The following RNPC3 variants were observed in gnomAD, a reference collection of about 807,000 sequenced individuals.
RNPC3 encodes RNA-binding region-containing protein 3.
A neutral mutation model predicts 67.5 loss-of-function variants in RNPC3; 48 were observed. The ratio of observed to expected loss-of-function variants is 0.71; its 90% CI spans 0.56 to 0.90. RNPC3 has a LOEUF of 0.90. Among genes scored for constraint, RNPC3 ranks in the 40% least tolerant of loss-of-function variants. The probability of loss-of-function intolerance (pLI) is 0.00; values close to 1 mark genes in which losing one functional copy is unlikely to be tolerated. For missense variants in RNPC3, 637 were observed against 626.1 expected, an observed-to-expected ratio of 1.02 and a Z score of -0.19; for synonymous variants, 239 against 210.3, an observed-to-expected ratio of 1.14 and a Z score of -1.18.
intron 2 of RNPC3, among the ~76,000 whole-genome samples, chr1:103,530,340 G>C (rs1382847603): frequency 2.0e-5 from 3 of 152,170 alleles, no homozygotes; most frequent in Non-Finnish European, 4.4e-5. Flanking sequence ...GAGAGGTCAG[G>C]CTGTAGTTAG....
intron 12 of RNPC3, among the ~76,000 whole-genome samples, chr1:103,548,581 C>T (rs1651305148): frequency 6.6e-6 from 1 of 152,196 alleles, no homozygotes; most frequent in Non-Finnish European, 1.5e-5. Context: ...TTGTCCATAT[C>T]ATTATCAGCA....
chr1:103,551,647 A>G, intron 13 of RNPC3, 74 bp from the exon 14 acceptor site: 2 of 981,322 alleles, frequency 2.0e-6, no homozygotes, highest in Non-Finnish European at 3.0e-6. Context: ...ACCATACACT[A>G]GAAAGTTTTT....
chr1:103,550,924 C>CTGTTTCT lies in RNPC3; in HGVS notation c.1362-15_1362-9dup. On this transcript the variant is annotated splice_polypyrimidine_tract_variant and intron_variant, in intron 12 of 14. Transcript: ENST00000423855. ...GAAACTGACATTCTTTGAATCAAAA[C>CTGTTTCT]TGTTTCTTCCTTCTAGGTTTGATAT... 1 of 1,607,410 alleles carries CTGTTTCT rather than the reference C, an allele frequency of 6.2e-7. No individual in the cohort carries two copies. Among genetic ancestry groups the CTGTTTCT allele is most frequent in the East Asian group, 2.2e-5 (1 of 44,702 alleles).
At chr1:103,537,937 A>G (rs1198594719) in intron 7 of RNPC3, among the ~76,000 whole-genome samples, 3 of 152,088 alleles carry the variant, frequency 2.0e-5, no homozygotes, top group Non-Finnish European at 4.4e-5. Context: ...TCTGCCTCCC[A>G]GGTTCAAGCG....
Position 103,534,850 on chromosome 1 carries a change from AACC to A in RNPC3, c.438_440del (p.His147del). Reference sequence around the variant, plus strand: ...AACAGTAGAAAATGGAATTGCACCAAACCATGGGTTAGCATTTTTGTTTGCTTT... The same window carrying A: ...AACAGTAGAAAATGGAATTGCACCAAATGGGTTAGCATTTTTGTTTGCTTT... On this transcript the variant is annotated inframe_deletion, in exon 4 of 15. Coordinates refer to ENST00000423855, the MANE Select transcript of RNPC3 (RefSeq NM_017619.4). 6.6e-7 allele frequency: 1 copy of A among 1,526,260 alleles called. No individual in the cohort carries two copies. The highest frequency in any genetic ancestry group is 1.2e-5 in the South Asian group (1 of 82,824). 94.5% of individuals were successfully genotyped at this position (1,526,260 alleles called of 1,614,324 possible). A position where few individuals can be genotyped will look rare whatever the true frequency, so the allele number is the denominator to read the frequency against.
At chr1:103,539,199 G>A (rs530990827) in intron 7 of RNPC3, among the ~76,000 whole-genome samples, 3 of 152,240 alleles carry the variant, frequency 2.0e-5, no homozygotes, top group Admixed American at 6.5e-5. Flanking sequence ...GACTGTGCAC[G>A]GAAGAAGTGG....
chr1:103,552,341 A>C (rs1557762436), intron 14 of RNPC3: 1 of 152,180 alleles, frequency 6.6e-6, no homozygotes, highest in Non-Finnish European at 1.5e-5. Context: ...ATGATGAGGC[A>C]TCTTATCCAG....
At chr1:103,540,570 C>T (rs1312286797) in intron 7 of RNPC3, among the ~76,000 whole-genome samples, 1 of 152,072 alleles carries the variant, frequency 6.6e-6, no homozygotes, top group African/African-American at 2.4e-5. Flanking sequence ...GTTTAAATTA[C>T]AGCATATGTT....
intron 14 of RNPC3, chr1:103,554,682 A>C (rs1651489861): frequency 6.6e-6 from 1 of 152,582 alleles, no homozygotes; most frequent in South Asian, 2.1e-4. Flanking sequence ...TAGCCATCCA[A>C]CCTTATATTA....
Position 103,526,034 on chromosome 1 carries a change from T to G in RNPC3, c.-37T>G. Reference sequence around the variant, plus strand: ...TGATGCCGCGATTTTGACTGAGACTTCTTCCCACGATTTCTGTTTTTGCTT... The same window carrying G: ...TGATGCCGCGATTTTGACTGAGACTGCTTCCCACGATTTCTGTTTTTGCTT... On this transcript the variant is annotated 5_prime_UTR_variant, in exon 1 of 15. Coordinates refer to ENST00000423855, the MANE Select transcript of RNPC3 (RefSeq NM_017619.4). 1 of 1,475,172 alleles carries G rather than the reference T, an allele frequency of 6.8e-7. No individual in the cohort carries two copies. Among genetic ancestry groups the G allele is most frequent in the East Asian group, 2.6e-5 (1 of 38,236 alleles). The allele number at this position is 1,475,172 out of a possible 1,614,324, so 91.4% of individuals were successfully genotyped here. A position where few individuals can be genotyped will look rare whatever the true frequency, so the allele number is the denominator to read the frequency against.
Position 103,534,904 on chromosome 1 carries a change from TACAG to T in RNPC3, c.443+49_443+52del, listed in dbSNP as rs1397637593. The T allele has an allele frequency of 4.9e-6, 5 of 1,023,972 alleles. No individual in the cohort carries two copies. The South Asian group carries it at 7.5e-5, about 15-fold the overall frequency. 63.4% of individuals were successfully genotyped at this position (1,023,972 alleles called of 1,614,324 possible). ...TCTTTTGCTTTTGTTCTGTGTTATA[TACAG>T]ATGTACAGATATCTTACTGCTTTTT... On this transcript the variant is annotated intron_variant, in intron 4 of 14. Coordinates refer to ENST00000423855, the MANE Select transcript of RNPC3 (RefSeq NM_017619.4).
intron 8 of RNPC3, among the ~76,000 whole-genome samples, chr1:103,541,938 A>C (rs969977621): frequency 6.6e-6 from 1 of 152,016 alleles, no homozygotes; most frequent in South Asian, 2.1e-4. Flanking sequence ...TTACTTAAAA[A>C]GTACCCAGCA....
intron 7 of RNPC3, among the ~76,000 whole-genome samples, chr1:103,538,842 A>G (rs1000437625): frequency 3.3e-5 from 5 of 152,224 alleles, no homozygotes; most frequent in African/African-American, 9.6e-5. Context: ...TTGACAATCT[A>G]TGCATTTTAT....
At chr1:103,539,918 A>T (rs1370003845) in intron 7 of RNPC3, among the ~76,000 whole-genome samples, 1 of 152,022 alleles carries the variant, frequency 6.6e-6, no homozygotes, top group Non-Finnish European at 1.5e-5. Context: ...ACTGGAGTGC[A>T]GTGGTACAGT....
intron 8 of RNPC3, among the ~76,000 whole-genome samples, chr1:103,542,195 G>C (rs1031753373): frequency 6.6e-6 from 1 of 151,964 alleles, no homozygotes; most frequent in African/African-American, 2.4e-5. Context: ...GAACTAAAAG[G>C]TTGTGAGAAA....
rs1161849203 is a variant in RNPC3, at chr1:103,525,931, G to GTGACTT, written c.-138_-133dup. ...TCGGTGGCGCAGTTCTCGCGAGAAG[G>GTGACTT]TGACTTTCTTTCTCGGTATTTCCTG... On this transcript the variant is annotated 5_prime_UTR_variant, in exon 1 of 15. Transcript: ENST00000423855. 1.4e-6 allele frequency: 1 copy of GTGACTT among 694,216 alleles called. No individual in the cohort carries two copies. Among genetic ancestry groups the GTGACTT allele is most frequent in the Non-Finnish European group, 2.3e-6 (1 of 426,788 alleles). The allele number at this position is 694,216 out of a possible 1,614,324, so 43.0% of individuals were successfully genotyped here. A position where few individuals can be genotyped will look rare whatever the true frequency, so the allele number is the denominator to read the frequency against.
Position 103,543,357 on chromosome 1 carries a change from A to G in RNPC3, c.955A>G (p.Lys319Glu). 3 of 1,518,248 alleles carry G rather than the reference A, an allele frequency of 2.0e-6. No homozygotes were observed. The highest frequency in any genetic ancestry group is 2.6e-6 in the Non-Finnish European group (3 of 1,138,708). 94.0% of individuals were successfully genotyped at this position (1,518,248 alleles called of 1,614,324 possible). ...TGACCAACCACAACCTGTAGGTAAC[A>G]AAAGAATTGAATTCCATATATCTAC... ...VFDQPQPVGN[K>E]RIEFHISTDM... The change falls in exon 9 of 15, where the codon AAA becomes GAA. Residue 319 changes from lysine (K) to glutamate (E), a missense_variant. Coordinates refer to ENST00000423855, the MANE Select transcript of RNPC3 (RefSeq NM_017619.4).
chr1:103,535,442 G>A lies in RNPC3; in HGVS notation c.555+1G>A. 1 of 1,516,760 alleles carries A rather than the reference G, an allele frequency of 6.6e-7. No individual in the cohort carries two copies. The highest frequency in any genetic ancestry group is 8.8e-7 in the Non-Finnish European group (1 of 1,130,122). The allele number at this position is 1,516,760 out of a possible 1,614,324, so 94.0% of individuals were successfully genotyped here. A position where few individuals can be genotyped will look rare whatever the true frequency, so the allele number is the denominator to read the frequency against. On this transcript the variant is annotated splice_donor_variant, in intron 5 of 14. Coordinates refer to ENST00000423855, the MANE Select transcript of RNPC3 (RefSeq NM_017619.4). LOFTEE classifies it high-confidence loss of function. Reference sequence around the variant, plus strand: ...AAGCGTGCCTAAGTTCTATGTACAGGTAAGTAGAATAAAACTTTTCCTAAA... The same window carrying A: ...AAGCGTGCCTAAGTTCTATGTACAGATAAGTAGAATAAAACTTTTCCTAAA...
At chr1:103,543,067 G>T in intron 8 of RNPC3, among the ~76,000 whole-genome samples, 1 of 151,586 alleles carries the variant, frequency 6.6e-6, no homozygotes, top group African/African-American at 2.4e-5. Flanking sequence ...TATTGACATC[G>T]CTGAACCTCG....
Sources: gnomAD v4.1 joint callset for allele counts (sites outside exome capture counted in the v4.1 genomes callset) on GRCh38, gnomAD v4.1.1 for gene constraint, MANE v1.5 for transcripts, NCBI Gene and HGNC (gene_info 2026-07-23, HGNC 2026-07-21) for gene names.